SUCLG2: variants seen among roughly 807,000 people sequenced by gnomAD.
The protein encoded by SUCLG2 is succinate--CoA ligase [GDP-forming] subunit beta, mitochondrial.
Under a neutral mutation model 47.9 loss-of-function variants are expected in SUCLG2, and 42 were observed. The observed-to-expected ratio is 0.88, with a 90% CI of 0.69 to 1.14. The LOEUF (loss-of-function observed/expected upper bound fraction) is 1.14, where lower values mean the gene tolerates loss of function less well. Ranked by LOEUF, SUCLG2 falls within the 50% of genes most tolerant of loss-of-function variation. The probability of loss-of-function intolerance (pLI) is 0.00; values close to 1 mark genes in which losing one functional copy is unlikely to be tolerated. For missense variants in SUCLG2, 571 were observed against 525.9 expected (o/e 1.09, Z -0.84); for synonymous variants, 195 against 197.3 (o/e 0.99, Z 0.10).
chr3:67,575,749 G>A (rs556677842), intron 2 of SUCLG2, among the ~76,000 whole-genome samples: 1 of 152,276 alleles, frequency 6.6e-6, no homozygotes, highest in Admixed American at 6.5e-5. Flanking sequence ...ACACCTATGA[G>A]AATTATCCTG....
At chr3:67,613,767 A>G (rs1388733667) in intron 1 of SUCLG2, among the ~76,000 whole-genome samples, 4 of 152,208 alleles carry the variant, frequency 2.6e-5, no homozygotes, top group Non-Finnish European at 5.9e-5. Context: ...CTTGCCCAAG[A>G]TCACAAGTTA....
intron 9 of SUCLG2, among the ~76,000 whole-genome samples, chr3:67,413,059 C>A (rs1464517215): frequency 6.6e-6 from 1 of 152,186 alleles, no homozygotes; most frequent in Admixed American, 6.5e-5. Context: ...AGTATTATCA[C>A]AAACATTTCT....
chr3:67,361,930 A>G (rs776389531), intron 10 of SUCLG2, among the ~76,000 whole-genome samples: 1 of 152,210 alleles, frequency 6.6e-6, no homozygotes, highest in South Asian at 2.1e-4. Context: ...TGAGACATAC[A>G]GAACAGAGCC....
intron 2 of SUCLG2, among the ~76,000 whole-genome samples, chr3:67,596,363 G>C (rs1425013600): frequency 6.6e-6 from 1 of 152,132 alleles, no homozygotes; most frequent in African/African-American, 2.4e-5. Context: ...ATTTTCATGA[G>C]AGCCAGGAGA....
chr3:67,374,478 A>G (rs538771530), downstream of SUCLG2, among the ~76,000 whole-genome samples: 24 of 152,278 alleles, frequency 1.6e-4, no homozygotes, highest in Non-Finnish European at 2.5e-4. Flanking sequence ...TCACAGTTCA[A>G]CCTGTCAGAC....
intron 1 of SUCLG2, among the ~76,000 whole-genome samples, chr3:67,649,339 C>CTG (rs1466614433): frequency 1.3e-5 from 2 of 152,190 alleles, no homozygotes; most frequent in African/African-American, 4.8e-5. Context: ...TTCCTGTCTG[C>CTG]ATTCACTCAG....
rs9849734 is a variant in SUCLG2, at chr3:67,419,086, G to A, written c.1063-18235C>T. Among the ~76,000 whole-genome samples the A allele has an allele frequency of 8.3e-3, 1,267 of 152,174 alleles. 24 individuals carry two copies. The highest frequency in any genetic ancestry group is 0.029 in the African/African-American group (1,210 of 41,516). ...TTGCTTCCTGATATTACAAAAGCACGCTCAGTCATCTCTGTCCTCTATCAC... is the reference window on the plus strand; with the variant it reads ...TTGCTTCCTGATATTACAAAAGCACACTCAGTCATCTCTGTCCTCTATCAC... On this transcript the variant is annotated intron_variant, in intron 9 of 10. Transcript: ENST00000307227.
intron 9 of SUCLG2, among the ~76,000 whole-genome samples, chr3:67,425,634 T>C (rs1456460401): frequency 6.6e-6 from 1 of 152,228 alleles, no homozygotes; most frequent in African/African-American, 2.4e-5. Flanking sequence ...TTAGACTGGA[T>C]GCTAAGCCAT....
chr3:67,400,638 C>G (rs1039465814), intron 10 of SUCLG2, 93 bp downstream of exon 10: 8 of 1,536,498 alleles, frequency 5.2e-6, no homozygotes, highest in African/African-American at 1.4e-5. Context: ...GTGTTTCGTT[C>G]TGTTATCTCA....
chr3:67,526,493 T>C (rs894626944), intron 4 of SUCLG2, among the ~76,000 whole-genome samples: 1 of 152,156 alleles, frequency 6.6e-6, no homozygotes, highest in Non-Finnish European at 1.5e-5. Context: ...ACAATGGGGA[T>C]TAAATTTCAA....
intron 2 of SUCLG2, among the ~76,000 whole-genome samples, chr3:67,576,462 A>C (rs1013007084): frequency 1.3e-5 from 2 of 152,226 alleles, no homozygotes; most frequent in African/African-American, 4.8e-5. Flanking sequence ...CAGAGTTTTC[A>C]GAAGTATTTC....
At chr3:67,548,847 A>G (rs1706934406) in intron 2 of SUCLG2, among the ~76,000 whole-genome samples, 1 of 152,214 alleles carries the variant, frequency 6.6e-6, no homozygotes. Context: ...CCTGGCCTAC[A>G]AGAGGCACCC....
chr3:67,404,860 T>G (rs1454814915), intron 9 of SUCLG2, among the ~76,000 whole-genome samples: 3 of 152,298 alleles, frequency 2.0e-5, no homozygotes, highest in Non-Finnish European at 4.4e-5. Context: ...TGTCAAATTT[T>G]CAATATGTGC....
intron 1 of SUCLG2, among the ~76,000 whole-genome samples, chr3:67,619,284 A>G (rs936952927): frequency 2.6e-5 from 4 of 152,226 alleles, no homozygotes; most frequent in Admixed American, 2.6e-4. Flanking sequence ...CAATTAAAGG[A>G]AGATACCAGC....
chr3:67,379,661 C>G (rs1256025778), intron 10 of SUCLG2, among the ~76,000 whole-genome samples: 1 of 152,232 alleles, frequency 6.6e-6, no homozygotes, highest in Non-Finnish European at 1.5e-5. Context: ...TTCATGAGCA[C>G]AAAGATGTGC....
At chr3:67,453,220 C>CT (rs1369618902) in intron 9 of SUCLG2, among the ~76,000 whole-genome samples, 1 of 92,064 alleles carries the variant, frequency 1.1e-5, no homozygotes, top group Non-Finnish European at 2.6e-5. Context: ...TACATTCAGA[C>CT]TTCTTTTTTT....
In SUCLG2 at chr3:67,481,829, G is replaced by A. The variant is rs183210562; in HGVS notation, c.1062+13969C>T. Among the ~76,000 whole-genome samples the A allele has an allele frequency of 2.5e-4, 38 of 152,250 alleles. No individual in the cohort carries two copies. The East Asian group carries it at 3.3e-3, about 13-fold the overall frequency. On this transcript the variant is annotated intron_variant, in intron 9 of 10. Coordinates refer to ENST00000307227, the MANE Select transcript of SUCLG2 (RefSeq NM_003848.4). ...ATTGGAACCAATAGCATCAAATATC[G>A]GATGGTTTCCTACTTTCTCGATTAG...
intron 9 of SUCLG2, among the ~76,000 whole-genome samples, chr3:67,487,871 T>G (rs1007328297): frequency 5.3e-5 from 8 of 152,124 alleles, no homozygotes; most frequent in Non-Finnish European, 8.8e-5. Context: ...TATGTAAAGT[T>G]ATGAGAACAA....
In SUCLG2 at chr3:67,400,829, A is replaced by G. The variant is rs1394005752; in HGVS notation, c.1085T>C (p.Ile362Thr). 8 of 1,613,066 alleles carry G rather than the reference A, an allele frequency of 5.0e-6. No individual in the cohort carries two copies. The highest frequency in any genetic ancestry group is 6.8e-6 in the Non-Finnish European group (8 of 1,179,908). The change falls in exon 10 of 11, where the codon ATA becomes ACA. Residue 362 changes from isoleucine (I) to threonine (T), a missense_variant. By Grantham distance (89) the Ile-to-Thr change is moderately conservative. Transcript: ENST00000307227. ...GGCACAGTTGACGATACCACCAAAT[A>G]TATTGACAAGGATGGCTTCAACCTG... ...DPKVEAILVNIFGGIVNCAII... is the reference protein window; with the variant it reads ...DPKVEAILVNTFGGIVNCAII...
Sources: gnomAD v4.1 joint callset for allele counts (sites outside exome capture counted in the v4.1 genomes callset) on GRCh38, gnomAD v4.1.1 for gene constraint, MANE v1.5 for transcripts, NCBI Gene and HGNC (gene_info 2026-07-23, HGNC 2026-07-21) for gene names.